The following TMEM181 variants were observed in gnomAD, a reference collection of about 807,000 sequenced individuals.
TMEM181 encodes G protein-coupled receptor 178.
Under a neutral mutation model 71.9 loss-of-function variants are expected in TMEM181, and 39 were observed. The ratio of observed to expected loss-of-function variants is 0.54; its 90% CI spans 0.42 to 0.71. TMEM181 has a LOEUF of 0.71. Among genes scored for constraint, TMEM181 ranks in the 30% least tolerant of loss-of-function variants. The pLI, the probability that TMEM181 is intolerant of heterozygous loss-of-function variation, is 0.00. For missense variants in TMEM181, 595 were observed against 583.0 expected, an observed-to-expected ratio of 1.02 and a Z score of -0.21; for synonymous variants, 245 against 228.8, an observed-to-expected ratio of 1.07 and a Z score of -0.64.
At chr6:158,600,420 G>T (rs1304036002) in intron 6 of TMEM181, among the ~76,000 whole-genome samples, 1 of 150,764 alleles carries the variant, frequency 6.6e-6, no homozygotes, top group Non-Finnish European at 1.5e-5. Flanking sequence ...GAAGTGCTGG[G>T]ATTATAGGCG....
chr6:158,586,473 T>C (rs931257998), intron 5 of TMEM181, among the ~76,000 whole-genome samples: 2 of 152,204 alleles, frequency 1.3e-5, no homozygotes, highest in Non-Finnish European at 2.9e-5. Flanking sequence ...GAGCCTATTT[T>C]GTAGAAGAAG....
intron 1 of TMEM181, chr6:158,572,525 G>C: frequency 6.6e-6 from 3 of 455,872 alleles, no homozygotes; most frequent in Non-Finnish European, 1.3e-5. Flanking sequence ...CCCTTTTGTC[G>C]ATGGTTTGAC....
In TMEM181 at chr6:158,620,967, C is replaced by T. The variant is rs757076802; in HGVS notation, c.897-2583C>T. 1.3e-5 allele frequency among the ~76,000 whole-genome samples: 2 copies of T among 152,180 alleles called. No homozygotes were observed. Among genetic ancestry groups the T allele is most frequent in the East Asian group, 3.9e-4 (2 of 5,194 alleles). On this transcript the variant is annotated intron_variant, in intron 10 of 16. Transcript: ENST00000684151. The surrounding 1 kb of genome is among the most constrained non-coding windows in gnomAD (Gnocchi z 4.5). Reference sequence around the variant, plus strand: ...CTCTTACGGGCTAAGAGTATTTAAGCGTTCAGGGTGGGAGAGCTTATCACA... The same window carrying T: ...CTCTTACGGGCTAAGAGTATTTAAGTGTTCAGGGTGGGAGAGCTTATCACA...
At chr6:158,601,306 T>C (rs1015673510) in intron 6 of TMEM181, among the ~76,000 whole-genome samples, 7 of 151,038 alleles carry the variant, frequency 4.6e-5, no homozygotes, top group Admixed American at 2.6e-4. Flanking sequence ...CCCAGCACTT[T>C]GGGAGGCCAA....
intron 1 of TMEM181, among the ~76,000 whole-genome samples, chr6:158,542,872 T>G (rs1215881462): frequency 7.2e-6 from 1 of 138,836 alleles, no homozygotes; most frequent in Non-Finnish European, 1.6e-5. Context: ...AGAGTGGTTT[T>G]TTTTTTTTTT....
At chr6:158,552,674 G>A (rs11962111) in intron 1 of TMEM181, among the ~76,000 whole-genome samples, 4,753 of 152,262 alleles carry the variant, frequency 0.031, 254 homozygotes, top group African/African-American at 0.11. Flanking sequence ...GAGAGTTATC[G>A]TCTCAGCCTT....
intron 10 of TMEM181, among the ~76,000 whole-genome samples, chr6:158,622,064 G>A (rs994665139): frequency 6.6e-6 from 1 of 152,088 alleles, no homozygotes; most frequent in Non-Finnish European, 1.5e-5. Flanking sequence ...CACCCGCCCT[G>A]CCTGCCCCGT....
At chr6:158,560,021 C>CCACCG (rs1782061962), upstream of TMEM181, 11 of 984,082 alleles carry the variant, frequency 1.1e-5, no homozygotes, top group South Asian at 2.8e-4. Flanking sequence ...GGCCCCGCTT[C>CCACCG]CACCGCGCCG....
At chr6:158,580,855 G>A in intron 2 of TMEM181, 85 bp from the exon 3 acceptor site, 1 of 1,257,328 alleles carries the variant, frequency 8.0e-7, no homozygotes, top group East Asian at 2.4e-5. Flanking sequence ...CGTGTAATGT[G>A]TGAGTCTTTC....
At chr6:158,623,679 T>A in intron 11 of TMEM181, 72 bp downstream of exon 11, 1 of 1,144,270 alleles carries the variant, frequency 8.7e-7, no homozygotes, top group African/African-American at 1.5e-5. Context: ...ATTTTGTGAC[T>A]TAAATTGTTC....
At chr6:158,627,669 AGGCCAGCGT>A (rs1235183518) in intron 13 of TMEM181, among the ~76,000 whole-genome samples, 5 of 152,220 alleles carry the variant, frequency 3.3e-5, no homozygotes, top group African/African-American at 1.2e-4. Context: ...GCGTCGCTGG[AGGCCAGCGT>A]GGCTGGAGAT....
In TMEM181 at chr6:158,573,037, CGTGT is replaced by C. The variant is rs1275149061; in HGVS notation, c.9-378_9-375del. Among the ~76,000 whole-genome samples the C allele has an allele frequency of 3.3e-5, 5 of 151,936 alleles. No homozygotes were observed. In the East Asian group the frequency reaches 9.7e-4, roughly 29 times the overall value. On this transcript the variant is annotated intron_variant, in intron 1 of 16. Transcript: ENST00000684151. ...GCTTGTGGGTGTGCCAGTGTGTGTG[CGTGT>C]GTGTATGTATGTGTGTGCATGAGAT...
At chr6:158,560,929 G>A (rs1302750403) in intron 1 of TMEM181, among the ~76,000 whole-genome samples, 1 of 152,130 alleles carries the variant, frequency 6.6e-6, no homozygotes, top group South Asian at 2.1e-4. Context: ...AGTCGCCTAG[G>A]TGTCCCCCTG....
chr6:158,588,908 A>G (rs1783937086), intron 5 of TMEM181, among the ~76,000 whole-genome samples: 1 of 152,196 alleles, frequency 6.6e-6, no homozygotes. Flanking sequence ...GGAGAGTGAC[A>G]TTCCGAAAGG....
rs376247598 is a variant in TMEM181, at chr6:158,570,462, C to T, written c.9-2958C>T. 1.9e-4 allele frequency among the ~76,000 whole-genome samples: 29 copies of T among 151,736 alleles called. No individual in the cohort carries two copies. In the East Asian group the frequency reaches 2.3e-3, roughly 12 times the overall value. On this transcript the variant is annotated intron_variant, in intron 1 of 16. Transcript: ENST00000684151. ...TTCACCGTGTCAGCCAGGATGGTCT[C>T]GATCTCCTGACCTCGTGATCCGCCC...
intron 10 of TMEM181, among the ~76,000 whole-genome samples, chr6:158,622,167 C>G (rs1171348886): frequency 6.6e-6 from 1 of 152,212 alleles, no homozygotes; most frequent in Non-Finnish European, 1.5e-5. Flanking sequence ...ATGTTTTTCT[C>G]TATACATACA....
At chr6:158,621,910 A>C (rs1346354806) in intron 10 of TMEM181, among the ~76,000 whole-genome samples, 1 of 152,196 alleles carries the variant, frequency 6.6e-6, no homozygotes, top group Non-Finnish European at 1.5e-5. Context: ...AAAGGGCTTT[A>C]AGGTCCACAC....
intron 6 of TMEM181, among the ~76,000 whole-genome samples, chr6:158,595,717 C>A (rs1228410325): frequency 6.6e-6 from 1 of 151,970 alleles, no homozygotes; most frequent in Non-Finnish European, 1.5e-5. Flanking sequence ...ATATAAATTA[C>A]AAAGACAGGC....
chr6:158,559,972 G>C (rs568439829), upstream of TMEM181: 1 of 859,058 alleles, frequency 1.2e-6, no homozygotes, highest in East Asian at 1.2e-4. Context: ...CCCGGCACGG[G>C]GCCACGAAGG....
Sources: allele counts gnomAD v4.1 joint callset (sites outside exome capture counted in the v4.1 genomes callset), GRCh38; gene constraint gnomAD v4.1.1; non-coding constraint Gnocchi (gnomAD v3.1); transcripts MANE v1.5; gene names NCBI Gene and HGNC (gene_info 2026-07-23, HGNC 2026-07-21).